SV2B: variants seen among roughly 807,000 people sequenced by gnomAD.
SV2B encodes synaptic vesicle glycoprotein 2B.
A neutral mutation model predicts 73.9 loss-of-function variants in SV2B; 41 were observed. The observed-to-expected ratio is 0.56, with a 90% CI of 0.43 to 0.72. The LOEUF is 0.72. SV2B is among the 30% of genes least tolerant of loss of function. The probability of loss-of-function intolerance (pLI) is 0.00; values close to 1 mark genes in which losing one functional copy is unlikely to be tolerated. For synonymous variants in SV2B, 314 were observed against 314.2 expected (o/e 1.00, Z 0.01); for missense variants, 764 against 857.8 (o/e 0.89, Z 1.37).
At chr15:91,166,634 C>CT (rs1028120913) in intron 1 of SV2B, among the ~76,000 whole-genome samples, 1 of 151,824 alleles carries the variant, frequency 6.6e-6, no homozygotes, top group Non-Finnish European at 1.5e-5. Flanking sequence ...ATCTGTATGA[C>CT]TTTTTTTCTC....
At position 91,278,678 on chromosome 15, in the gene SV2B, C is replaced by CAAAAAAAAAA. The variant is rs746732650; in HGVS notation, c.1374-3038_1374-3029dup. 6.1e-3 allele frequency among the ~76,000 whole-genome samples: 260 copies of CAAAAAAAAAA among 42,346 alleles called. 18 individuals carry two copies. The highest frequency in any genetic ancestry group is 0.027 in the African/African-American group (211 of 7,820). 27.8% of individuals were successfully genotyped at this position (42,346 alleles called of 152,430 possible). A position where few individuals can be genotyped will look rare whatever the true frequency, so the allele number is the denominator to read the frequency against. On this transcript the variant is annotated intron_variant, in intron 9 of 12. Coordinates refer to ENST00000394232, the MANE Select transcript of SV2B (RefSeq NM_001323032.3). Reference sequence around the variant, plus strand: ...TGGGCGACAGAGCGAGACTCCGTCTCAAAAAAAAAAAAAAAAAAAAAGAAG... The same window carrying CAAAAAAAAAA: ...TGGGCGACAGAGCGAGACTCCGTCTCAAAAAAAAAAAAAAAAAAAAAAAAAAAAAAAGAAG...
chr15:91,136,430 A>G lies in SV2B; in HGVS notation c.-392+36067A>G, dbSNP rs890558710. Among the ~76,000 whole-genome samples, 2 of 152,004 alleles carry G rather than the reference A, an allele frequency of 1.3e-5. No individual in the cohort carries two copies. The highest frequency in any genetic ancestry group is 6.5e-5 in the Admixed American group (1 of 15,270). ...ATTCTCGGAGAGAGAACCTTTATTT[A>G]CCCGTGCCCATCCAGCTAGTGGAGA... On this transcript the variant is annotated intron_variant, in intron 1 of 12. Coordinates refer to ENST00000394232, the MANE Select transcript of SV2B (RefSeq NM_001323032.3). The surrounding 1 kb of genome is among the most constrained non-coding windows in gnomAD (Gnocchi z 5.6).
chr15:91,154,942 A>G (rs563513756), intron 1 of SV2B, among the ~76,000 whole-genome samples: 16 of 152,218 alleles, frequency 1.1e-4, no homozygotes, highest in African/African-American at 3.4e-4. Context: ...GACTGAGTAA[A>G]CAAGTAAACT....
intron 1 of SV2B, among the ~76,000 whole-genome samples, chr15:91,191,380 G>C (rs537624655): frequency 1.3e-5 from 2 of 152,204 alleles, no homozygotes; most frequent in Admixed American, 6.6e-5. Context: ...AGTTTAGAGA[G>C]AACCCTTCCA....
chr15:91,175,484 G>T (rs1045815138), intron 1 of SV2B, among the ~76,000 whole-genome samples: 19 of 151,988 alleles, frequency 1.3e-4, no homozygotes, highest in Non-Finnish European at 1.9e-4. Flanking sequence ...TCGATCTCCT[G>T]ACCTCGTGAT....
At chr15:91,198,429 T>C (rs1472751331) in intron 1 of SV2B, among the ~76,000 whole-genome samples, 1 of 151,596 alleles carries the variant, frequency 6.6e-6, no homozygotes, top group African/African-American at 2.4e-5. Context: ...GTGACAGCTT[T>C]TGGTTTTCAG....
chr15:91,296,763 C>A lies in SV2B; in HGVS notation c.*4211C>A, dbSNP rs542143834. On this transcript the variant is annotated 3_prime_UTR_variant, in exon 13 of 13. Transcript: ENST00000394232. ...TGGGCACACGCTCCTTCTGCCCGAT[C>A]GTTGGGAGCACACTCCTTCTGCCCA... The A allele has an allele frequency of 1.4e-5, 2 of 143,950 alleles. No individual in the cohort carries two copies. Among genetic ancestry groups the A allele is most frequent in the East Asian group, 4.6e-4 (2 of 4,324 alleles). The allele number at this position is 143,950 out of a possible 1,614,324, so 8.9% of individuals were successfully genotyped here. A position where few individuals can be genotyped will look rare whatever the true frequency, so the allele number is the denominator to read the frequency against.
In SV2B at chr15:91,260,367, C is replaced by T. The variant is rs867873260; in HGVS notation, c.966C>T (p.Asp322=). 5.6e-6 allele frequency: 9 copies of T among 1,613,492 alleles called. No individual in the cohort carries two copies. The highest frequency in any genetic ancestry group is 1.6e-4 in the Middle Eastern group (1 of 6,078). ...GGATGATTCTCAAGCAAGTCCATGA[C>T]ACCAACATGAGAGCTAAGGGGACCC... is the stretch of plus-strand genomic sequence containing the variant. ...EAWMILKQVH[D]TNMRAKGTPE... is the part of the protein sequence containing the mutation. The change falls in exon 6 of 13, where the codon GAC becomes GAT. Residue 322 remains aspartate (D), a synonymous_variant. Coordinates refer to ENST00000394232, the MANE Select transcript of SV2B (RefSeq NM_001323032.3).
At position 91,105,620 on chromosome 15, in the gene SV2B, A is replaced by G. The variant is rs2041861218; in HGVS notation, c.-392+5257A>G. 1.3e-5 allele frequency among the ~76,000 whole-genome samples: 2 copies of G among 152,174 alleles called. 1 individual carries two copies. Among genetic ancestry groups the G allele is most frequent in the South Asian group, 4.1e-4 (2 of 4,824 alleles). On this transcript the variant is annotated intron_variant, in intron 1 of 12. Coordinates refer to ENST00000394232, the MANE Select transcript of SV2B (RefSeq NM_001323032.3). The surrounding 1 kb of genome is among the most constrained non-coding windows in gnomAD (Gnocchi z 5.5). ...TGGAGAATTCTGAGCACAGGGTGCT[A>G]TTAGCTGATTTATGTTTTCCAAGGA...
chr15:91,226,455 C>T lies in SV2B; in HGVS notation c.192C>T (p.Ala64=). The T allele has an allele frequency of 6.2e-7, 1 of 1,614,170 alleles. No individual in the cohort carries two copies. The highest frequency in any genetic ancestry group is 1.3e-5 in the African/African-American group (1 of 75,050). ...PHPDDVKAKQ[A]KMAPSRMDSL... is the part of the protein sequence containing the mutation. ...CAGATGATGTCAAGGCCAAGCAGGC[C>T]AAGATGGCGCCCTCCAGAATGGACA... Residue 64 remains alanine (A), a synonymous_variant, in exon 2 of 13, where the codon GCC becomes GCT. Transcript: ENST00000394232.
chr15:91,136,380 C>T lies in SV2B; in HGVS notation c.-392+36017C>T, dbSNP rs75019541. On this transcript the variant is annotated intron_variant, in intron 1 of 12. Transcript: ENST00000394232. The surrounding 1 kb of genome is among the most constrained non-coding windows in gnomAD (Gnocchi z 5.6). The stretch of plus-strand genomic sequence containing the variant: ...ATGTAAGGGGTCAGTTTGTGGGTGA[C>T]TTACTCTCTAGGGGCCTTAGGTATA... Among the ~76,000 whole-genome samples, 1 of 152,290 alleles carries T rather than the reference C, an allele frequency of 6.6e-6. No individual in the cohort carries two copies. The highest frequency in any genetic ancestry group is 1.9e-4 in the East Asian group (1 of 5,176).
rs555217674 is a variant in SV2B, at chr15:91,163,942, G to A, written c.-391-61931G>A. 2.4e-3 allele frequency among the ~76,000 whole-genome samples: 366 copies of A among 152,176 alleles called. 1 individual carries two copies. Among genetic ancestry groups the A allele is most frequent in the Non-Finnish European group, 2.9e-3 (198 of 67,960 alleles). The stretch of plus-strand genomic sequence containing the variant: ...ATCCATCTTGAATTAATTTTTGTAT[G>A]AGGTGTAAGGAAGGGATCCAGTTTC... On this transcript the variant is annotated intron_variant, in intron 1 of 12. Coordinates refer to ENST00000394232, the MANE Select transcript of SV2B (RefSeq NM_001323032.3).
At chr15:91,157,426 T>C (rs1216891685) in intron 1 of SV2B, among the ~76,000 whole-genome samples, 1 of 152,192 alleles carries the variant, frequency 6.6e-6, no homozygotes, top group African/African-American at 2.4e-5. Flanking sequence ...GAGGAAATGT[T>C]AACATTTCCC....
intron 4 of SV2B, among the ~76,000 whole-genome samples, chr15:91,255,501 C>G (rs1268069772): frequency 6.6e-6 from 1 of 152,150 alleles, no homozygotes; most frequent in East Asian, 1.9e-4. Context: ...GTATAAAAGA[C>G]TACAAATTGT....
intron 1 of SV2B, among the ~76,000 whole-genome samples, chr15:91,148,565 G>A (rs1285211782): frequency 1.3e-5 from 2 of 152,150 alleles, no homozygotes; most frequent in African/African-American, 2.4e-5. Context: ...AAAGTCATGG[G>A]AAAGTGAGAT....
intron 1 of SV2B, among the ~76,000 whole-genome samples, chr15:91,219,979 T>C (rs1011136300): frequency 6.6e-6 from 1 of 152,256 alleles, no homozygotes; most frequent in African/African-American, 2.4e-5. Context: ...TGCTAATCAG[T>C]GTTTCATTGC....
chr15:91,250,577 C>T (rs2047444187), intron 2 of SV2B, among the ~76,000 whole-genome samples: 1 of 152,050 alleles, frequency 6.6e-6, no homozygotes, highest in Non-Finnish European at 1.5e-5. Flanking sequence ...CCTAAAGACT[C>T]CACCAAAAAA....
intron 1 of SV2B, among the ~76,000 whole-genome samples, chr15:91,183,520 C>A (rs535733103): frequency 1.3e-5 from 2 of 152,240 alleles, no homozygotes; most frequent in East Asian, 3.9e-4. Flanking sequence ...TTTTATGAGT[C>A]CAAACTTTGA....
rs1482320029 is a variant in SV2B at position 91,234,963 on chromosome 15, A to G, written c.451+8249A>G. 6.6e-6 allele frequency among the ~76,000 whole-genome samples: 1 copy of G among 152,188 alleles called. No individual in the cohort carries two copies. On this transcript the variant is annotated intron_variant, in intron 2 of 12. Transcript: ENST00000394232. This position sits in a 1 kb window ranked among gnomAD's most constrained non-coding sequence, Gnocchi z 5.6. ...AGGAGCTTATGGTGGTTAGGTGATC[A>G]ATGGAGTTTTAGCTCAGGTCCATCT...
Sources: allele counts gnomAD v4.1 joint callset (sites outside exome capture counted in the v4.1 genomes callset), GRCh38; gene constraint gnomAD v4.1.1; non-coding constraint Gnocchi (gnomAD v3.1); transcripts MANE v1.5; gene names NCBI Gene and HGNC (gene_info 2026-07-23, HGNC 2026-07-21).